The following ZNF600 variants were observed in gnomAD, a reference collection of about 807,000 sequenced individuals.
The protein encoded by ZNF600 is zinc finger protein KR-ZNF1.
ZNF600 carries 4 observed loss-of-function variants against 7.3 expected under a neutral mutation model. The observed-to-expected ratio is 0.55, with a 90% CI of 0.27 to 1.25. ZNF600 has a LOEUF of 1.25. Ranked by LOEUF, ZNF600 falls within the 50% of genes most tolerant of loss-of-function variation. The pLI is 0.12. For missense variants in ZNF600, 911 were observed against 922.1 expected, an observed-to-expected ratio of 0.99 and a Z score of 0.16; for synonymous variants, 290 against 308.9, an observed-to-expected ratio of 0.94 and a Z score of 0.64.
chr19:52,822,074 CT>C, the ZNF600 span, among the ~76,000 whole-genome samples: 260 of 78,678 alleles, frequency 3.3e-3, 1 homozygote, highest in Middle Eastern at 0.027. Flanking sequence ...TTCTTTTTCC[CT>C]TTTTTTTTTT....
At chr19:52,817,804 A>G in the ZNF600 span, 1 of 1,542,424 alleles carries the variant, frequency 6.5e-7, no homozygotes. Flanking sequence ...GCGAGATGAG[A>G]TGAACTGAAG....
At chr19:52,817,830 G>C in the ZNF600 span, 1 of 1,569,138 alleles carries the variant, frequency 6.4e-7, no homozygotes, top group Non-Finnish European at 8.7e-7. Context: ...CATGGGTGAG[G>C]GTGAGCAAAC....
the ZNF600 span, chr19:52,810,036 C>T: frequency 1.3e-6 from 1 of 740,770 alleles, no homozygotes; most frequent in South Asian, 1.5e-5. Flanking sequence ...AGAGGAGCCG[C>T]TCCAGCCCCG....
the ZNF600 span, among the ~76,000 whole-genome samples, chr19:52,823,865 C>T: frequency 6.6e-6 from 1 of 151,982 alleles, no homozygotes; most frequent in Non-Finnish European, 1.5e-5. Context: ...AAGTTGGAGA[C>T]CGGCCTGACC....
the ZNF600 span, among the ~76,000 whole-genome samples, chr19:52,808,716 A>G: frequency 3.3e-5 from 5 of 152,114 alleles, no homozygotes; most frequent in Admixed American, 2.0e-4. Context: ...TGGAAGGCTA[A>G]GGAGGGAGGA....
chr19:52,827,577 ATT>A, the ZNF600 span, among the ~76,000 whole-genome samples: 5 of 143,356 alleles, frequency 3.5e-5, no homozygotes, highest in Non-Finnish European at 3.1e-5. Flanking sequence ...TAGAAGAAGG[ATT>A]TTTTTTTTTT....
Position 52,765,893 on chromosome 19 carries a change from T to C in ZNF600, c.2070A>G (p.Gln690=), listed in dbSNP as rs147587125. Residue 690 remains glutamine, a synonymous_variant, in exon 4 of 4, where the codon CAA becomes CAG. Coordinates refer to ENST00000648973, the Ensembl canonical transcript of ZNF600. Reference sequence around the variant, plus strand: ...TATGATGAAGTGAAAGTTGTGATTGTTGATTAAAAGCCTTCCCACATTCAT... The same window carrying C: ...TATGATGAAGTGAAAGTTGTGATTGCTGATTAAAAGCCTTCCCACATTCAT... The C allele has an allele frequency of 3.7e-5, 60 of 1,614,068 alleles. No individual in the cohort carries two copies. In the African/African-American group the frequency reaches 7.2e-4, roughly 19 times the overall value.
exon 4 of ZNF600, chr19:52,767,111 C>A (rs558551945): frequency 6.2e-7 from 1 of 1,613,842 alleles, no homozygotes; most frequent in South Asian, 1.1e-5. Flanking sequence ...TGTAAGGTTT[C>A]TCTCCAGTGT....
At chr19:52,819,375 A>G in the ZNF600 span, among the ~76,000 whole-genome samples, 113 of 137,504 alleles carry the variant, frequency 8.2e-4, 15 homozygotes, top group East Asian at 3.5e-3. Context: ...TGAGTCTACC[A>G]CTCTCTTTCT....
At chr19:52,812,762 T>TAAA in the ZNF600 span, among the ~76,000 whole-genome samples, 1,042 of 74,938 alleles carry the variant, frequency 0.014, 5 homozygotes, top group Non-Finnish European at 0.016. Flanking sequence ...GAATGATCAA[T>TAAA]AAAAAAAAAA....
At chr19:52,774,955 C>A (rs1229094205) in intron 2 of ZNF600, among the ~76,000 whole-genome samples, 1 of 152,074 alleles carries the variant, frequency 6.6e-6, no homozygotes, top group Non-Finnish European at 1.5e-5. Flanking sequence ...AAAGGAAACA[C>A]AGGGCCAGGC....
At chr19:52,765,727 T>C (rs767182060) in exon 4 of ZNF600, 2 of 1,613,634 alleles carry the variant, frequency 1.2e-6, no homozygotes, top group Non-Finnish European at 1.7e-6. Flanking sequence ...TGTGAATCAC[T>C]CCCAAAAGTC....
At chr19:52,776,064 A>G (rs1352298499) in intron 2 of ZNF600, among the ~76,000 whole-genome samples, 4 of 103,192 alleles carry the variant, frequency 3.9e-5, no homozygotes, top group African/African-American at 1.3e-4. Context: ...CATGACTAAC[A>G]TTTTTGAATG....
upstream of ZNF600, among the ~76,000 whole-genome samples, chr19:52,788,379 G>A (rs987304319): frequency 7.9e-5 from 12 of 152,012 alleles, no homozygotes; most frequent in African/African-American, 2.7e-4. Flanking sequence ...GCTCCTCTTG[G>A]TGTCTTCCTC....
upstream of ZNF600, among the ~76,000 whole-genome samples, chr19:52,787,480 C>A (rs1199540967): frequency 6.3e-5 from 9 of 142,630 alleles, no homozygotes; most frequent in Non-Finnish European, 1.1e-4. Flanking sequence ...GATTTTGGCT[C>A]ACTGCAAGCT....
the ZNF600 span, among the ~76,000 whole-genome samples, chr19:52,814,651 C>T: frequency 4.8e-5 from 7 of 145,230 alleles, 1 homozygote; most frequent in African/African-American, 1.6e-4. Flanking sequence ...CTTTGGGAGG[C>T]TGAGGTGGGC....
chr19:52,821,109 G>A, the ZNF600 span, among the ~76,000 whole-genome samples: 1 of 152,068 alleles, frequency 6.6e-6, no homozygotes, highest in African/African-American at 2.4e-5. Flanking sequence ...GGAGCAGCAG[G>A]GCCCAGCAAG....
chr19:52,826,318 C>A, the ZNF600 span, among the ~76,000 whole-genome samples: 3 of 152,132 alleles, frequency 2.0e-5, no homozygotes, highest in Non-Finnish European at 4.4e-5. Flanking sequence ...TGCTTGTAAT[C>A]CCAGCATTTT....
At chr19:52,826,631 G>C in the ZNF600 span, among the ~76,000 whole-genome samples, 2 of 151,918 alleles carry the variant, frequency 1.3e-5, no homozygotes, top group Admixed American at 1.3e-4. Context: ...GCTTGAACCC[G>C]GGAGGCAGAG....
Sources: gnomAD v4.1 joint callset for allele counts (sites outside exome capture counted in the v4.1 genomes callset) on GRCh38, gnomAD v4.1.1 for gene constraint, MANE v1.5 for transcripts, NCBI Gene and HGNC (gene_info 2026-07-23, HGNC 2026-07-21) for gene names.